The following TMEM131 variants were observed in gnomAD, a reference collection of about 807,000 sequenced individuals.
The protein encoded by TMEM131 is transmembrane protein 131.
Under a neutral mutation model 211.6 loss-of-function variants are expected in TMEM131, and 66 were observed. The observed-to-expected ratio is 0.31, with a 90% CI of 0.26 to 0.38. TMEM131 has a LOEUF of 0.38. Ranked by LOEUF, TMEM131 falls within the 10% of genes least tolerant of loss-of-function variation. The pLI, the probability that TMEM131 is intolerant of heterozygous loss-of-function variation, is 1.00. For synonymous variants in TMEM131, 844 were observed against 841.3 expected (o/e 1.00, Z -0.06); for missense variants, 2,036 against 2,299.3 (o/e 0.89, Z 2.34).
chr2:97,889,457 T>C (rs1450026989), intron 3 of TMEM131, among the ~76,000 whole-genome samples: 1 of 151,938 alleles, frequency 6.6e-6, no homozygotes, highest in Non-Finnish European at 1.5e-5. Flanking sequence ...AGCTCATTAG[T>C]TTCATTAGTA....
chr2:97,872,371 G>A (rs1259444374), intron 4 of TMEM131, among the ~76,000 whole-genome samples: 1 of 152,046 alleles, frequency 6.6e-6, no homozygotes, highest in African/African-American at 2.4e-5. Context: ...CCAAACCTGG[G>A]CAAGCCAATC....
intron 4 of TMEM131, among the ~76,000 whole-genome samples, chr2:97,863,957 G>T (rs891153873): frequency 3.9e-5 from 6 of 152,158 alleles, no homozygotes; most frequent in African/African-American, 1.4e-4. Context: ...CACAATAGCC[G>T]AGATTTGGAA....
At chr2:97,887,915 G>C in intron 4 of TMEM131, 137 bp downstream of exon 4, 1 of 633,124 alleles carries the variant, frequency 1.6e-6, no homozygotes, top group Non-Finnish European at 2.8e-6. Context: ...ACTGCATTCA[G>C]TATCATTTGT....
intron 40 of TMEM131, among the ~76,000 whole-genome samples, chr2:97,758,049 A>G (rs12991122): frequency 0.37 from 55,790 of 151,578 alleles, 11,135 homozygotes; most frequent in Middle Eastern, 0.55. Flanking sequence ...GGAGAATGGC[A>G]TGAACCCAGG....
At chr2:97,967,114 A>C (rs2104588009) in intron 1 of TMEM131, among the ~76,000 whole-genome samples, 2 of 152,300 alleles carry the variant, frequency 1.3e-5, no homozygotes, top group South Asian at 4.1e-4. Flanking sequence ...TTGACTCACC[A>C]TAAAAGGGAG....
chr2:97,781,173 C>T (rs929560616), intron 31 of TMEM131, among the ~76,000 whole-genome samples: 1 of 152,214 alleles, frequency 6.6e-6, no homozygotes, highest in Non-Finnish European at 1.5e-5. Context: ...GTCATACAGC[C>T]TAAGCACCTA....
At chr2:97,905,485 AG>A (rs1224305779) in intron 3 of TMEM131, among the ~76,000 whole-genome samples, 1 of 152,148 alleles carries the variant, frequency 6.6e-6, no homozygotes, top group Non-Finnish European at 1.5e-5. Context: ...CCCAATTCCT[AG>A]GAACTCACTT....
intron 19 of TMEM131, among the ~76,000 whole-genome samples, chr2:97,807,345 C>T (rs1681354610): frequency 6.6e-6 from 1 of 152,110 alleles, no homozygotes; most frequent in Non-Finnish European, 1.5e-5. Flanking sequence ...GGGTGGATCC[C>T]TCATGAATGG....
chr2:97,978,200 A>G (rs1450035228), intron 1 of TMEM131, among the ~76,000 whole-genome samples: 1 of 152,236 alleles, frequency 6.6e-6, no homozygotes. Flanking sequence ...TTTTACCCAC[A>G]GAAGAACTTA....
At position 97,758,552 on chromosome 2, in the gene TMEM131, G is replaced by C. The variant is rs551417233; in HGVS notation, c.5367+341C>G. Reference sequence around the variant, plus strand: ...TGCCGAAGGCTTCCCTCAACCATCTGAACCTGCCATAGGCCTATGGTCACC... The same window carrying C: ...TGCCGAAGGCTTCCCTCAACCATCTCAACCTGCCATAGGCCTATGGTCACC... On this transcript the variant is annotated intron_variant, in intron 40 of 40. Transcript: ENST00000186436. Among the ~76,000 whole-genome samples, 9 of 152,338 alleles carry C rather than the reference G, an allele frequency of 5.9e-5. No homozygotes were observed. The South Asian group carries it at 1.9e-3, about 32-fold the overall frequency.
At chr2:97,985,224 T>C (rs1477579884) in intron 1 of TMEM131, among the ~76,000 whole-genome samples, 2 of 152,160 alleles carry the variant, frequency 1.3e-5, no homozygotes, top group Non-Finnish European at 2.9e-5. Flanking sequence ...TTCATCACTC[T>C]TATTTAACAA....
At chr2:97,908,858 G>A (rs1476484490) in intron 2 of TMEM131, among the ~76,000 whole-genome samples, 160 bp from the exon 3 acceptor site, 1 of 152,164 alleles carries the variant, frequency 6.6e-6, no homozygotes, top group East Asian at 1.9e-4. Flanking sequence ...ACAATGACTA[G>A]ATCAAATTGT....
Position 97,818,635 on chromosome 2 carries a change from C to T in TMEM131, c.1161G>A (p.Lys387=), listed in dbSNP as rs1468777585. The change falls in exon 12 of 41, where the codon AAG becomes AAA. Residue 387 remains lysine (K), a synonymous_variant. Transcript: ENST00000186436. ...TLKASESKYT[K]VASISFDASK... ...TGCCATCAAAACTAATGCTTGCAAC[C>T]TTGGTGTATTTACTTTCTGATGCTT... 3 of 1,603,782 alleles carry T rather than the reference C, an allele frequency of 1.9e-6. No homozygotes were observed. The highest frequency in any genetic ancestry group is 2.6e-6 in the Non-Finnish European group (3 of 1,173,378).
Position 97,797,416 on chromosome 2 carries a change from A to C in TMEM131, c.2819T>G (p.Val940Gly). 6.2e-7 allele frequency: 1 copy of C among 1,612,734 alleles called. No homozygotes were observed. Among genetic ancestry groups the C allele is most frequent in the Non-Finnish European group, 8.5e-7 (1 of 1,179,674 alleles). ...LKPGEKKSVK[V>G]KFTPVHNRTV... ...TCTGTTGTGAACTGGAGTAAACTTT[A>C]CTTTGACAGATTTCTTTTCTCCAGG... The change falls in exon 26 of 41, where the codon GTA (valine) becomes GGA (glycine). Residue 940 changes from valine to glycine, a missense_variant. Val to Gly is a moderately radical substitution (Grantham distance 109). Coordinates refer to ENST00000186436, the MANE Select transcript of TMEM131 (RefSeq NM_015348.2).
chr2:97,815,403 A>G, intron 12 of TMEM131, 96 bp from the exon 13 acceptor site: 1 of 714,128 alleles, frequency 1.4e-6, no homozygotes, highest in Non-Finnish European at 2.1e-6. Context: ...AAAAAAAAAA[A>G]GTTGAGCTTC....
At chr2:97,986,178 T>G (rs1573656208) in intron 1 of TMEM131, among the ~76,000 whole-genome samples, 1 of 152,170 alleles carries the variant, frequency 6.6e-6, no homozygotes, top group South Asian at 2.1e-4. Context: ...TTAAAATAAA[T>G]TAAAACAACG....
chr2:97,870,015 A>C (rs567033564), intron 4 of TMEM131, among the ~76,000 whole-genome samples: 1 of 152,168 alleles, frequency 6.6e-6, no homozygotes, highest in East Asian at 1.9e-4. Flanking sequence ...TTGCCATATG[A>C]CCCTACCATT....
intron 1 of TMEM131, among the ~76,000 whole-genome samples, chr2:97,960,722 T>C (rs1280396482): frequency 6.6e-6 from 1 of 152,084 alleles, no homozygotes; most frequent in African/African-American, 2.4e-5. Flanking sequence ...GAAATAAAAA[T>C]AGCATACAAA....
At chr2:97,915,372 G>A (rs1392477407) in intron 2 of TMEM131, among the ~76,000 whole-genome samples, 2 of 151,974 alleles carry the variant, frequency 1.3e-5, no homozygotes, top group Non-Finnish European at 2.9e-5. Context: ...CCAGGCTGGA[G>A]TGCAGCAGTG....
Sources: gnomAD v4.1 joint callset for allele counts (sites outside exome capture counted in the v4.1 genomes callset) on GRCh38, gnomAD v4.1.1 for gene constraint, MANE v1.5 for transcripts, NCBI Gene and HGNC (gene_info 2026-07-23, HGNC 2026-07-21) for gene names.